Variants in DISC1 observed in about 807,000 individuals in gnomAD.
The protein encoded by DISC1 is disrupted in schizophrenia 1 protein.
A neutral mutation model predicts 84.5 loss-of-function variants in DISC1; 57 were observed. The observed-to-expected ratio is 0.67, with a 90% confidence interval of 0.55 to 0.84. The LOEUF (loss-of-function observed/expected upper bound fraction) is 0.84, where lower values mean the gene tolerates loss of function less well. Among genes scored for constraint, DISC1 ranks in the 40% least tolerant of loss-of-function variants. The pLI is 0.00. For synonymous variants in DISC1, 411 were observed against 415.2 expected, an observed-to-expected ratio of 0.99 and a Z score of 0.12; for missense variants, 1,000 against 1,057.8, an observed-to-expected ratio of 0.95 and a Z score of 0.76.
intron 10 of DISC1, among the ~76,000 whole-genome samples, chr1:231,976,871 ATAAC>A (rs1473235376): frequency 6.6e-6 from 1 of 152,222 alleles, no homozygotes; most frequent in Non-Finnish European, 1.5e-5. Flanking sequence ...GATAGTATCA[ATAAC>A]TAACCTTCAT....
chr1:231,922,501 G>A (rs2090071020), intron 9 of DISC1, among the ~76,000 whole-genome samples: 1 of 152,172 alleles, frequency 6.6e-6, no homozygotes, highest in Admixed American at 6.5e-5. Flanking sequence ...GGTATGTCTG[G>A]CAAGCAGCAG....
intron 3 of DISC1, among the ~76,000 whole-genome samples, chr1:231,711,078 G>A (rs1375202787): frequency 6.6e-6 from 1 of 151,796 alleles, no homozygotes; most frequent in Non-Finnish European, 1.5e-5. Context: ...CTTCCCACAA[G>A]TGAACTTAGC....
At chr1:231,697,970 T>C (rs1385776406) in intron 2 of DISC1, among the ~76,000 whole-genome samples, 3 of 152,192 alleles carry the variant, frequency 2.0e-5, no homozygotes, top group Non-Finnish European at 4.4e-5. Flanking sequence ...ATAGTGCTAA[T>C]GTCATCTAGT....
At chr1:231,829,719 A>G (rs1265733851) in intron 9 of DISC1, among the ~76,000 whole-genome samples, 3 of 152,214 alleles carry the variant, frequency 2.0e-5, no homozygotes, top group Non-Finnish European at 2.9e-5. Context: ...TGTGTGAGCA[A>G]CGAGGCTGTT....
At chr1:231,968,842 G>C (rs894453801) in intron 10 of DISC1, among the ~76,000 whole-genome samples, 1 of 151,966 alleles carries the variant, frequency 6.6e-6, no homozygotes, top group Admixed American at 6.6e-5. Context: ...TAGATTCAAG[G>C]GTGGCCATTT....
intron 1 of DISC1, among the ~76,000 whole-genome samples, chr1:231,652,925 G>T (rs2060759806): frequency 6.6e-6 from 1 of 152,092 alleles, no homozygotes; most frequent in African/African-American, 2.4e-5. Flanking sequence ...GATTACAGGT[G>T]CCTGCCACCA....
At chr1:231,830,789 G>A (rs905114011) in intron 9 of DISC1, among the ~76,000 whole-genome samples, 16 of 152,226 alleles carry the variant, frequency 1.1e-4, no homozygotes, top group African/African-American at 3.6e-4. Context: ...TCTGAGAAGG[G>A]AAAGTGGTAA....
intron 3 of DISC1, among the ~76,000 whole-genome samples, chr1:231,719,426 C>A (rs1475691751): frequency 6.6e-6 from 1 of 152,166 alleles, no homozygotes; most frequent in Non-Finnish European, 1.5e-5. Flanking sequence ...ATTCTACTAA[C>A]AATAGAATTA....
chr1:231,934,719 T>A (rs960929646), intron 9 of DISC1, among the ~76,000 whole-genome samples: 1 of 152,230 alleles, frequency 6.6e-6, no homozygotes, highest in Admixed American at 6.5e-5. Flanking sequence ...GAAATGCATA[T>A]TCTTTATTTT....
At chr1:231,848,187 G>A (rs943855446) in intron 9 of DISC1, among the ~76,000 whole-genome samples, 6 of 152,094 alleles carry the variant, frequency 3.9e-5, no homozygotes, top group South Asian at 2.1e-4. Context: ...TATCAATGCC[G>A]CCTTTCTTCC....
intron 6 of DISC1, among the ~76,000 whole-genome samples, chr1:231,778,683 G>C (rs2125510035): frequency 6.6e-6 from 1 of 152,334 alleles, no homozygotes; most frequent in East Asian, 1.9e-4. Flanking sequence ...AAAGGAGGAA[G>C]AGGATTGGAA....
chr1:231,790,575 G>A (rs2078258422), intron 6 of DISC1, among the ~76,000 whole-genome samples: 1 of 151,828 alleles, frequency 6.6e-6, no homozygotes, highest in Non-Finnish European at 1.5e-5. Flanking sequence ...CTGGAGTGCA[G>A]TGGCATGATA....
intron 3 of DISC1, among the ~76,000 whole-genome samples, chr1:231,729,190 C>T (rs984225149): frequency 3.9e-5 from 6 of 152,166 alleles, no homozygotes; most frequent in African/African-American, 1.4e-4. Flanking sequence ...TTTATGGCTG[C>T]GTAGTATTCC....
At chr1:231,950,344 T>G (rs924917363) in intron 9 of DISC1, among the ~76,000 whole-genome samples, 1 of 151,790 alleles carries the variant, frequency 6.6e-6, no homozygotes, top group African/African-American at 2.4e-5. Context: ...TAAATAGGCA[T>G]TCTAAGCAAT....
chr1:231,702,607 A>G, intron 3 of DISC1: 2 of 985,114 alleles, frequency 2.0e-6, no homozygotes, highest in Non-Finnish European at 2.4e-6. Flanking sequence ...ATTAGACCAG[A>G]GATAGAGGGA....
At chr1:231,920,760 A>G (rs1053595929) in intron 9 of DISC1, among the ~76,000 whole-genome samples, 11 of 152,298 alleles carry the variant, frequency 7.2e-5, no homozygotes, top group African/African-American at 2.6e-4. Flanking sequence ...TAGTGTAAAT[A>G]TGTCCCATGT....
At position 231,698,755 on chromosome 1, in the gene DISC1, G is replaced by C. The variant is rs1262176713; in HGVS notation, c.1048-3200G>C. ...ATACCATCATTTGGGTGTGGCGATG[G>C]TAATGCTATAGCTTTATGTGGCCCT... On this transcript the variant is annotated intron_variant, in intron 2 of 12. Transcript: ENST00000439617. The surrounding 1 kb of genome is among the most constrained non-coding windows in gnomAD (Gnocchi z 4.9). 6.6e-6 allele frequency among the ~76,000 whole-genome samples: 1 copy of C among 152,154 alleles called. No individual in the cohort carries two copies. The highest frequency in any genetic ancestry group is 6.5e-5 in the Admixed American group (1 of 15,276).
intron 9 of DISC1, among the ~76,000 whole-genome samples, chr1:231,901,938 A>G (rs1437112231): frequency 2.6e-5 from 4 of 152,160 alleles, no homozygotes; most frequent in African/African-American, 9.7e-5. Context: ...GATCAGGGCC[A>G]CTGTGTATGG....
At chr1:231,628,629 C>G (rs767942920) in intron 1 of DISC1, among the ~76,000 whole-genome samples, 2 of 152,234 alleles carry the variant, frequency 1.3e-5, no homozygotes, top group Non-Finnish European at 2.9e-5. Context: ...AGTGTAAAGC[C>G]AGGATTAGAA....
Sources: allele counts gnomAD v4.1 joint callset (sites outside exome capture counted in the v4.1 genomes callset), GRCh38; gene constraint gnomAD v4.1.1; non-coding constraint Gnocchi (gnomAD v3.1); transcripts MANE v1.5; gene names NCBI Gene and HGNC (gene_info 2026-07-23, HGNC 2026-07-21).